The following B4GALNT2 variants were observed in gnomAD, a reference collection of about 807,000 sequenced individuals.
The protein encoded by B4GALNT2 is beta-1,4-N-acetyl-galactosaminyltransferase 2 (SID blood group), also known as N-acetylneuraminylgalactosylglucosyl-glucoside beta-1,4-N- acetylgalactosaminyltransferase 2.
In B4GALNT2, 42 loss-of-function variants were observed where a neutral mutation model predicts 51.1. That is an observed-to-expected ratio of 0.82 (90% confidence interval 0.64 to 1.06). The LOEUF (loss-of-function observed/expected upper bound fraction) is 1.06. B4GALNT2 is among the 50% of genes least tolerant of loss of function. The pLI, the probability that B4GALNT2 is intolerant of heterozygous loss-of-function variation, is 0.00. For missense variants in B4GALNT2, 602 were observed against 633.6 expected, an observed-to-expected ratio of 0.95 and a Z score of 0.54; for synonymous variants, 253 against 251.7, an observed-to-expected ratio of 1.01 and a Z score of -0.05.
intron 4 of B4GALNT2, among the ~76,000 whole-genome samples, chr17:49,153,980 G>A (rs756270344): frequency 1.3e-5 from 2 of 152,030 alleles, no homozygotes; most frequent in South Asian, 4.2e-4. Context: ...CATGGGAACA[G>A]GCAAAACATA....
At chr17:49,143,885 C>T (rs531946237) in intron 3 of B4GALNT2, among the ~76,000 whole-genome samples, 2 of 152,250 alleles carry the variant, frequency 1.3e-5, no homozygotes, top group African/African-American at 4.8e-5. Flanking sequence ...TGGTGGCTCA[C>T]GCCTGTAATT....
At chr17:49,121,373 T>C in the B4GALNT2 span, among the ~76,000 whole-genome samples, 1 of 152,344 alleles carries the variant, frequency 6.6e-6, no homozygotes, top group South Asian at 2.1e-4. Context: ...TGGGCCAAGA[T>C]GCAAAGGTAG....
At chr17:49,166,802 A>G (rs1318821298) in intron 9 of B4GALNT2, among the ~76,000 whole-genome samples, 1 of 152,038 alleles carries the variant, frequency 6.6e-6, no homozygotes, top group Non-Finnish European at 1.5e-5. Context: ...CCTCATCTGT[A>G]TAAAGAAATA....
At chr17:49,140,501 A>G (rs565639937) in intron 1 of B4GALNT2, among the ~76,000 whole-genome samples, 1 of 152,344 alleles carries the variant, frequency 6.6e-6, no homozygotes, top group East Asian at 1.9e-4. Flanking sequence ...AGACTTGATC[A>G]AGTGAGACAT....
chr17:49,129,807 A>T (rs1455952667), upstream of B4GALNT2, among the ~76,000 whole-genome samples: 1 of 152,102 alleles, frequency 6.6e-6, no homozygotes, highest in African/African-American at 2.4e-5. Context: ...GATTTATCTT[A>T]TGGTTGGAAT....
intron 1 of B4GALNT2, among the ~76,000 whole-genome samples, chr17:49,138,542 A>G (rs1052165840): frequency 1.3e-5 from 2 of 152,178 alleles, no homozygotes; most frequent in Non-Finnish European, 2.9e-5. Context: ...TACTTTTCCT[A>G]TTTAGCTTCA....
the B4GALNT2 span, among the ~76,000 whole-genome samples, chr17:49,125,761 C>T: frequency 1.6e-5 from 1 of 61,722 alleles, no homozygotes; most frequent in Non-Finnish European, 3.7e-5. Flanking sequence ...GGGGGTCAGC[C>T]CCCCGCCCGT....
chr17:49,145,067 A>C (rs1167703618), intron 3 of B4GALNT2, among the ~76,000 whole-genome samples: 1 of 152,084 alleles, frequency 6.6e-6, no homozygotes, highest in Non-Finnish European at 1.5e-5. Flanking sequence ...TCCCCAGCCC[A>C]CTGACTCAAA....
At position 49,165,123 on chromosome 17, in the gene B4GALNT2, C is replaced by A. The variant is rs1258809414; in HGVS notation, c.954+848C>A. 2.0e-5 allele frequency among the ~76,000 whole-genome samples: 3 copies of A among 152,044 alleles called. No homozygotes were observed. The East Asian group carries it at 5.8e-4, about 29-fold the overall frequency. On this transcript the variant is annotated intron_variant, in intron 8 of 10. Transcript: ENST00000393354. Reference sequence around the variant, plus strand: ...GCCACTGTACACTGCTCCCATCTTTCCTCATTTCCGATGTGGAAATCGATT... The same window carrying A: ...GCCACTGTACACTGCTCCCATCTTTACTCATTTCCGATGTGGAAATCGATT...
chr17:49,150,954 T>G (rs1379511908), intron 3 of B4GALNT2, among the ~76,000 whole-genome samples: 1 of 152,150 alleles, frequency 6.6e-6, no homozygotes, highest in Non-Finnish European at 1.5e-5. Context: ...AAATTTTGCC[T>G]TTTTCATATT....
chr17:49,140,424 T>G (rs2042632368), intron 1 of B4GALNT2, among the ~76,000 whole-genome samples: 3 of 152,162 alleles, frequency 2.0e-5, no homozygotes, highest in African/African-American at 7.2e-5. Context: ...TTATAAATGT[T>G]TTAAGAGCTC....
chr17:49,126,496 T>TTAA, the B4GALNT2 span, among the ~76,000 whole-genome samples: 3 of 118,788 alleles, frequency 2.5e-5, no homozygotes, highest in South Asian at 2.7e-4. Context: ...GAATGATCAA[T>TTAA]AAAAAAAAAA....
chr17:49,155,173 G>A (rs2042796687), intron 4 of B4GALNT2, among the ~76,000 whole-genome samples: 2 of 151,214 alleles, frequency 1.3e-5, no homozygotes, highest in African/African-American at 4.9e-5. Flanking sequence ...GCCAGGCATG[G>A]TGGTACATGC....
chr17:49,136,082 C>CA (rs60290551), intron 1 of B4GALNT2, among the ~76,000 whole-genome samples: 58,173 of 119,246 alleles, frequency 0.49, 12,704 homozygotes, highest in Admixed American at 0.57. Flanking sequence ...GACTCTGGAT[C>CA]AAAAAAAAAA....
intron 6 of B4GALNT2, 31 bp from the exon 7 acceptor site, chr17:49,160,524 C>A (rs1244974421): frequency 6.3e-7 from 1 of 1,594,576 alleles, no homozygotes. Flanking sequence ...ACATGATACT[C>A]CCTGTGCCAT....
rs1252262333 is a variant in B4GALNT2, at chr17:49,174,563, C to T, written c.*4835C>T. 1 of 152,146 alleles carries T rather than the reference C, an allele frequency of 6.6e-6. No homozygotes were observed. The highest frequency in any genetic ancestry group is 1.5e-5 in the Non-Finnish European group (1 of 68,028). 9.4% of individuals were successfully genotyped at this position (152,146 alleles called of 1,614,324 possible). On this transcript the variant is annotated 3_prime_UTR_variant, in exon 11 of 11. Coordinates refer to ENST00000393354, the MANE Select transcript of B4GALNT2 (RefSeq NM_001159387.2). ...AGGTTGTATAACTGAATTAATGGCT[C>T]TTAAGTCAGTTAACAGTCTCCATGT...
rs970437185 is a variant in B4GALNT2 at position 49,170,126 on chromosome 17, G to T, written c.*398G>T. 3 of 167,766 alleles carry T rather than the reference G, an allele frequency of 1.8e-5. No individual in the cohort carries two copies. The highest frequency in any genetic ancestry group is 3.8e-5 in the Non-Finnish European group (3 of 78,342). 10.4% of individuals were successfully genotyped at this position (167,766 alleles called of 1,614,324 possible). A position where few individuals can be genotyped will look rare whatever the true frequency, so the allele number is the denominator to read the frequency against. ...GTCACAGTCAGAAGCATCGGATCCA[G>T]CATCACTGTCATCCCTATATTTTTA... On this transcript the variant is annotated 3_prime_UTR_variant, in exon 11 of 11. Transcript: ENST00000393354.
chr17:49,123,352 C>T, the B4GALNT2 span, among the ~76,000 whole-genome samples: 1 of 152,148 alleles, frequency 6.6e-6, no homozygotes, highest in Non-Finnish European at 1.5e-5. Context: ...TTTAAGAAAG[C>T]ACAGCTTATT....
chr17:49,142,820 C>T (rs1019331689), intron 3 of B4GALNT2, among the ~76,000 whole-genome samples: 2 of 152,210 alleles, frequency 1.3e-5, no homozygotes, highest in South Asian at 2.1e-4. Flanking sequence ...GTAGTCATCA[C>T]CAAGGTGCCC....
Sources: allele counts gnomAD v4.1 joint callset (sites outside exome capture counted in the v4.1 genomes callset), GRCh38; gene constraint gnomAD v4.1.1; transcripts MANE v1.5; gene names NCBI Gene and HGNC (gene_info 2026-07-23, HGNC 2026-07-21).